Variants in APOB observed in about 807,000 individuals in gnomAD.
APOB encodes apolipoprotein B-100.
In APOB, 153 loss-of-function variants were observed where a neutral mutation model predicts 314.1. The ratio of observed to expected loss-of-function variants is 0.49; its 90% CI spans 0.43 to 0.56. The LOEUF is 0.56. APOB is among the 20% of genes least tolerant of loss of function. APOB has a pLI of 0.00. For synonymous variants in APOB, 2,087 were observed against 2,036.4 expected, an observed-to-expected ratio of 1.02 and a Z score of -0.67; for missense variants, 5,430 against 5,350.7, an observed-to-expected ratio of 1.01 and a Z score of -0.46.
intron 15 of APOB, among the ~76,000 whole-genome samples, chr2:21,026,119 T>C (rs1290242952): frequency 6.6e-6 from 1 of 152,214 alleles, no homozygotes; most frequent in Admixed American, 6.5e-5. Flanking sequence ...TAAATAACCT[T>C]GTGAGGTTTG....
chr2:21,028,647 T>C, intron 12 of APOB, 109 bp from the exon 13 acceptor site: 1 of 770,034 alleles, frequency 1.3e-6, no homozygotes. Context: ...CAGGTCTAAT[T>C]TCTCTGTAAT....
chr2:21,007,487 G>T lies in APOB; in HGVS notation c.9381C>A (p.Asn3127Lys). The T allele has an allele frequency of 6.2e-7, 1 of 1,614,084 alleles. No homozygotes were observed. The highest frequency in any genetic ancestry group is 1.1e-5 in the South Asian group (1 of 91,076). ...INGEANLDFL[N>K]IPLTIPEMRL... ...GCATTTCAGGAATTGTTAAAGGAATGTTTAAGAAATCCAGATTTGCTTCTC... is the reference window on the plus strand; with the variant it reads ...GCATTTCAGGAATTGTTAAAGGAATTTTTAAGAAATCCAGATTTGCTTCTC... The change falls in exon 26 of 29, where the codon AAC becomes AAA. Residue 3127 changes from asparagine to lysine, a missense_variant. This residue lies in a region of APOB where 3,281 missense variants were observed against 3,171.0 expected (regional missense o/e 1.03). Coordinates refer to ENST00000233242, the MANE Select transcript of APOB (RefSeq NM_000384.3).
rs535564709 is a variant in APOB, at chr2:21,005,689, C to T, written c.11179G>A (p.Ala3727Thr). ...YSFSIPVKVL[A>T]DKFIIPGLKL... is the part of the protein sequence containing the mutation. ...AGCCCAGGAATAATGAATTTATCAG[C>T]CAAAACTTTTACAGGGATGGAGAAT... The change falls in exon 26 of 29, where the codon GCT becomes ACT. Residue 3727 changes from alanine to threonine, a missense_variant. By Grantham distance (58) the Ala-to-Thr change is moderately conservative. Transcript: ENST00000233242. 5 of 1,613,882 alleles carry T rather than the reference C, an allele frequency of 3.1e-6. No homozygotes were observed. The Admixed American group carries it at 8.3e-5, about 27-fold the overall frequency.
intron 14 of APOB, among the ~76,000 whole-genome samples, chr2:21,027,262 G>T (rs1460438755): frequency 6.6e-6 from 1 of 150,874 alleles, no homozygotes; most frequent in African/African-American, 2.4e-5. Context: ...CAGCACATAT[G>T]CTTCCTTGGC....
chr2:21,006,679 T>A lies in APOB; in HGVS notation c.10189A>T (p.Thr3397Ser). Residue 3397 changes from threonine to serine, a missense_variant, in exon 26 of 29, where the codon ACA (threonine) becomes TCA (serine). By Grantham distance (58) the Thr-to-Ser change is moderately conservative. This residue lies in a region of APOB where 3,281 missense variants were observed against 3,171.0 expected (regional missense o/e 1.03). Coordinates refer to ENST00000233242, the MANE Select transcript of APOB (RefSeq NM_000384.3). ...AATTTGTTGCTCAGAGACAGAGCTG[T>A]GGCTAACTTCAATCCCCTTTTTCTT... ...LTRKRGLKLATALSLSNKFVE... is the reference protein window; with the variant it reads ...LTRKRGLKLASALSLSNKFVE... 1 of 1,614,120 alleles carries A rather than the reference T, an allele frequency of 6.2e-7. No individual in the cohort carries two copies.
In APOB at chr2:21,002,954, C is replaced by A; in HGVS notation, c.12468G>T (p.Leu4156Phe). 1 of 1,610,160 alleles carries A rather than the reference C, an allele frequency of 6.2e-7. No homozygotes were observed. The highest frequency in any genetic ancestry group is 1.1e-5 in the South Asian group (1 of 90,286). ...DKAQNLYQEL[L>F]TQEGQASFQG... ...GGAAACTGGCTTGGCCTTCCTGAGT[C>A]AACAGTTCCTGGTACAGATTCTGGG... Residue 4156 changes from leucine to phenylalanine, a missense_variant, in exon 29 of 29, where the codon TTG becomes TTT. Leu to Phe is a conservative substitution (Grantham distance 22, BLOSUM62 0). Coordinates refer to ENST00000233242, the MANE Select transcript of APOB (RefSeq NM_000384.3).
Position 21,029,669 on chromosome 2 carries a change from C to G in APOB, c.1587G>C (p.Gln529His), listed in dbSNP as rs181143364. Residue 529 changes from glutamine to histidine, a missense_variant, in exon 12 of 29, where the codon CAG becomes CAC. By Grantham distance (24) the Gln-to-His change is conservative (BLOSUM62 0). This residue lies in a region of APOB where 2,085 missense variants were observed against 2,079.7 expected (regional missense o/e 1.00). Coordinates refer to ENST00000233242, the MANE Select transcript of APOB (RefSeq NM_000384.3). Reference protein sequence around the residue: ...PSLMIQKAAIQALRKMEPKDK... With the variant: ...PSLMIQKAAIHALRKMEPKDK... ...CTTTAGGCTCCATTTTCCGCAGAGC[C>G]TGGATGGCAGCTTTCTGGATCATCA... 1 of 1,614,178 alleles carries G rather than the reference C, an allele frequency of 6.2e-7. No individual in the cohort carries two copies. The highest frequency in any genetic ancestry group is 1.7e-5 in the Admixed American group (1 of 60,026).
Position 21,016,426 on chromosome 2 carries a change from C to A in APOB, c.3332+13G>T. 6.8e-7 allele frequency: 1 copy of A among 1,471,240 alleles called. No individual in the cohort carries two copies. Among genetic ancestry groups the A allele is most frequent in the Non-Finnish European group, 9.5e-7 (1 of 1,050,292 alleles). 91.1% of individuals were successfully genotyped at this position (1,471,240 alleles called of 1,614,324 possible). On this transcript the variant is annotated intron_variant, in intron 21 of 28. Transcript: ENST00000233242. ...CCTGCAGTGCAGGTCAGATGACCCT[C>A]GGCCTTCTTTACCTTAGGTGGCCCA...
At position 21,042,456 on chromosome 2, in the gene APOB, G is replaced by T; in HGVS notation, c.142C>A (p.His48Asn). 2 of 1,614,124 alleles carry T rather than the reference G, an allele frequency of 1.2e-6. No homozygotes were observed. Among genetic ancestry groups the T allele is most frequent in the East Asian group, 2.2e-5 (1 of 44,886 alleles). The change falls in exon 3 of 29, where the codon CAC becomes AAC. Residue 48 changes from histidine (H) to asparagine (N), a missense_variant. Physicochemically the swap from His to Asn is moderately conservative, Grantham distance 68. Transcript: ENST00000233242. ...TAGTTGTATGTGTACTTCCGGAGGT[G>T]CTTGAATCGGGTCGCATCTTCTAAC... is the stretch of plus-strand genomic sequence containing the variant. Reference protein sequence around the residue: ...VCPKDATRFKHLRKYTYNYEA... With the variant: ...VCPKDATRFKNLRKYTYNYEA...
rs1157047262 is a variant in APOB, at chr2:21,004,766, C to A, written c.11789-91G>T. ...AAAACTGGGAGAATTCTATCCTAAC[C>A]AGATATTTCACTTGTGTTTAAAATA... is the stretch of plus-strand genomic sequence containing the variant. On this transcript the variant is annotated intron_variant, in intron 26 of 28. Transcript: ENST00000233242. The A allele has an allele frequency of 3.0e-6, 3 of 991,176 alleles. No individual in the cohort carries two copies. In the Admixed American group the frequency reaches 5.4e-5, roughly 18 times the overall value. The allele number at this position is 991,176 out of a possible 1,614,324, so 61.4% of individuals were successfully genotyped here.
At chr2:21,035,743 G>C (rs1663988350) in intron 6 of APOB, 35 bp from the exon 7 acceptor site, 2 of 1,611,968 alleles carry the variant, frequency 1.2e-6, no homozygotes, top group Non-Finnish European at 1.7e-6. Flanking sequence ...ATTTTGATCA[G>C]TCCCTGTATC....
Position 21,002,809 on chromosome 2 carries a change from G to C in APOB, c.12613C>G (p.Pro4205Ala). The change falls in exon 29 of 29, where the codon CCG (proline) becomes GCG (alanine). Residue 4205 changes from proline to alanine, a missense_variant. Coordinates refer to ENST00000233242, the MANE Select transcript of APOB (RefSeq NM_000384.3). ...DFLNFPRFQF[P>A]GKPGIYTREE... The stretch of plus-strand genomic sequence containing the variant: ...CTAGTGTATATCCCAGGTTTCCCCG[G>C]AAACTGGAATCTGGGGAAGTTCAGA... 1 of 1,610,776 alleles carries C rather than the reference G, an allele frequency of 6.2e-7. No homozygotes were observed. Among genetic ancestry groups the C allele is most frequent in the Non-Finnish European group, 8.5e-7 (1 of 1,178,064 alleles).
At position 21,012,063 on chromosome 2, in the gene APOB, T is replaced by C; in HGVS notation, c.4805A>G (p.Tyr1602Cys). Reference protein sequence around the residue: ...SKQNALLRSEYQADYESLRFF... With the variant: ...SKQNALLRSECQADYESLRFF... ...CCTCAATGACTCGTAATCAGCCTGA[T>C]ATTCAGAACGCAGCAGTGCATTTTG... The change falls in exon 26 of 29, where the codon TAT becomes TGT. Residue 1602 changes from tyrosine (Y) to cysteine (C), a missense_variant. By Grantham distance (194) the Tyr-to-Cys change is radical (BLOSUM62 -2). This residue lies in a region of APOB where 2,085 missense variants were observed against 2,079.7 expected (regional missense o/e 1.00). Transcript: ENST00000233242. The C allele has an allele frequency of 6.2e-7, 1 of 1,614,244 alleles. No homozygotes were observed. Among genetic ancestry groups the C allele is most frequent in the Non-Finnish European group, 8.5e-7 (1 of 1,180,046 alleles).
At position 21,007,782 on chromosome 2, in the gene APOB, A is replaced by G; in HGVS notation, c.9086T>C (p.Val3029Ala). ...AAGAGAATTTTTCAAAGTTCCAATAACCTTTCCATTTAAATGAGCATCATG... is the reference window on the plus strand; with the variant it reads ...AAGAGAATTTTTCAAAGTTCCAATAGCCTTTCCATTTAAATGAGCATCATG... ...GRHDAHLNGK[V>A]IGTLKNSLFF... Residue 3029 changes from valine to alanine, a missense_variant, in exon 26 of 29, where the codon GTT becomes GCT. This residue lies in a region of APOB where 3,281 missense variants were observed against 3,171.0 expected (regional missense o/e 1.03). Transcript: ENST00000233242. 6.2e-7 allele frequency: 1 copy of G among 1,614,026 alleles called. No homozygotes were observed. The highest frequency in any genetic ancestry group is 8.5e-7 in the Non-Finnish European group (1 of 1,179,942).
At chr2:21,023,195 G>A (rs964680463) in intron 17 of APOB, among the ~76,000 whole-genome samples, 153 bp from the exon 18 acceptor site, 3 of 152,178 alleles carry the variant, frequency 2.0e-5, no homozygotes, top group East Asian at 3.8e-4. Context: ...GAAGGAAAGC[G>A]AGTTCTCAGT....
rs548108916 is a variant in APOB at position 21,027,992 on chromosome 2, G to T, written c.1903C>A (p.Arg635=). 6.2e-6 allele frequency: 10 copies of T among 1,614,108 alleles called. No individual in the cohort carries two copies. The East Asian group carries it at 2.2e-4, about 36-fold the overall frequency. The change falls in exon 14 of 29, where the codon CGG becomes AGG. Residue 635 remains arginine, a synonymous_variant. Transcript: ENST00000233242. ...PTVMDFRKFS[R]NYQLYKSVSL... is the part of the protein sequence containing the mutation. ...ACAGATTTGTAGAGTTGATAGTTCC[G>T]AGAGAATTTTCTGAAGTCCATGACA...
In APOB at chr2:21,033,336, C is replaced by T. The variant is rs1160050088; in HGVS notation, c.1087G>A (p.Val363Ile). Residue 363 changes from valine (V) to isoleucine (I), a missense_variant, in exon 9 of 29, where the codon GTC becomes ATC. By Grantham distance (29) the Val-to-Ile change is conservative. Coordinates refer to ENST00000233242, the MANE Select transcript of APOB (RefSeq NM_000384.3). ...TELRGLSDEA[V>I]TSLLPQLIEV... ...ATCAGCTGTGGCAAGAGAGATGTGACTGCTTCATCACTGAGGCCTCTCAGC... is the reference window on the plus strand; with the variant it reads ...ATCAGCTGTGGCAAGAGAGATGTGATTGCTTCATCACTGAGGCCTCTCAGC... 2 of 1,614,068 alleles carry T rather than the reference C, an allele frequency of 1.2e-6. No individual in the cohort carries two copies. The highest frequency in any genetic ancestry group is 1.3e-5 in the African/African-American group (1 of 74,926).
intron 16 of APOB, chr2:21,024,610 T>C: frequency 4.0e-6 from 2 of 504,302 alleles, no homozygotes; most frequent in Non-Finnish European, 6.9e-6. Flanking sequence ...AGACTCCATC[T>C]CAAAAAATTA....
In APOB at chr2:21,040,896, G is replaced by A. The variant is rs368611517; in HGVS notation, c.383+42C>T. ...CAAACACACAAGTTCATACCTCAGC[G>A]GACACACACACATGCGTGTGCTCAT... On this transcript the variant is annotated intron_variant, in intron 4 of 28. Coordinates refer to ENST00000233242, the MANE Select transcript of APOB (RefSeq NM_000384.3). 62 of 1,610,800 alleles carry A rather than the reference G, an allele frequency of 3.8e-5. No individual in the cohort carries two copies. In the East Asian group the frequency reaches 4.0e-4, roughly 10 times the overall value.
Sources: allele counts gnomAD v4.1 joint callset (sites outside exome capture counted in the v4.1 genomes callset), GRCh38; gene constraint gnomAD v4.1.1; regional missense constraint gnomAD v4.1.1; transcripts MANE v1.5; gene names NCBI Gene and HGNC (gene_info 2026-07-23, HGNC 2026-07-21).